CECR2: variants seen among roughly 807,000 people sequenced by gnomAD.
CECR2 encodes the protein chromatin remodeling regulator CECR2.
CECR2 carries 30 observed loss-of-function variants against 154.5 expected under a neutral mutation model. The ratio of observed to expected loss-of-function variants is 0.19; its 90% confidence interval spans 0.15 to 0.26. The LOEUF (loss-of-function observed/expected upper bound fraction) is 0.26. CECR2 is among the 10% of genes least tolerant of loss of function. CECR2 has a pLI of 1.00. For missense variants in CECR2, 1,743 were observed against 1,829.3 expected (o/e 0.95, Z 0.86); for synonymous variants, 725 against 683.7 (o/e 1.06, Z -0.94).
In CECR2 at chr22:17,542,562, C is replaced by G. The variant is rs531781031; in HGVS notation, c.2419C>G (p.His807Asp). The G allele has an allele frequency of 6.2e-7, 1 of 1,613,906 alleles. No individual in the cohort carries two copies. Among genetic ancestry groups the G allele is most frequent in the Non-Finnish European group, 8.5e-7 (1 of 1,179,910 alleles). The change falls in exon 16 of 19, where the codon CAC becomes GAC. Residue 807 changes from histidine (H) to aspartate (D), a missense_variant. By Grantham distance (81) the His-to-Asp change is moderately conservative. Around this residue, in one of 4 missense-constraint regions of CECR2, gnomAD observed 1,250 missense variants for 1,192.1 expected, o/e 1.05. Coordinates refer to ENST00000262608, the MANE Select transcript of CECR2 (RefSeq NM_001290047.2). ...GPSHQPRTLG[H>D]VMDSRVMRPP... Reference sequence around the variant, plus strand: ...CTCTCACCAGCCTCGCACTCTCGGTCACGTGATGGATTCCCGAGTCATGAG... The same window carrying G: ...CTCTCACCAGCCTCGCACTCTCGGTGACGTGATGGATTCCCGAGTCATGAG...
intron 8 of CECR2, among the ~76,000 whole-genome samples, chr22:17,522,417 C>T (rs961334308): frequency 1.3e-5 from 2 of 152,138 alleles, no homozygotes; most frequent in Non-Finnish European, 2.9e-5. Flanking sequence ...GACATTTATT[C>T]GGGAAGCAGT....
intron 1 of CECR2, among the ~76,000 whole-genome samples, chr22:17,427,513 A>C (rs2054349814): frequency 6.6e-6 from 1 of 152,122 alleles, no homozygotes; most frequent in South Asian, 2.1e-4. Flanking sequence ...TGGCGCGTCC[A>C]GGGTTTGTTC....
intron 8 of CECR2, among the ~76,000 whole-genome samples, chr22:17,520,382 T>C (rs2056136186): frequency 6.6e-6 from 1 of 152,140 alleles, no homozygotes; most frequent in African/African-American, 2.4e-5. Flanking sequence ...AAATCTTCCC[T>C]TTGACAAGGC....
chr22:17,433,249 A>G (rs964826599), intron 1 of CECR2, among the ~76,000 whole-genome samples: 1 of 152,222 alleles, frequency 6.6e-6, no homozygotes, highest in Non-Finnish European at 1.5e-5. Flanking sequence ...GTCTGTCTCA[A>G]TAATAGTGTG....
intron 1 of CECR2, among the ~76,000 whole-genome samples, chr22:17,470,964 A>G (rs1352542601): frequency 6.6e-6 from 1 of 152,230 alleles, no homozygotes; most frequent in Non-Finnish European, 1.5e-5. Context: ...CCTAGTAGCA[A>G]GAGAATGATG....
chr22:17,539,165 A>G (rs745606826), intron 13 of CECR2, 46 bp downstream of exon 13: 1 of 1,598,794 alleles, frequency 6.3e-7, no homozygotes, highest in Non-Finnish European at 8.5e-7. Flanking sequence ...TGTAATCAAG[A>G]ATAAAATGCC....
chr22:17,426,918 A>T (rs1435537247), intron 1 of CECR2, among the ~76,000 whole-genome samples: 1 of 149,608 alleles, frequency 6.7e-6, no homozygotes, highest in Admixed American at 6.6e-5. Flanking sequence ...CACAACATGC[A>T]GGTTTGTTAT....
intron 1 of CECR2, among the ~76,000 whole-genome samples, chr22:17,476,279 G>GT (rs1256371263): frequency 6.6e-6 from 1 of 151,180 alleles, no homozygotes; most frequent in Non-Finnish European, 1.5e-5. Context: ...TTTTTTGTTT[G>GT]TTTGAGACAG....
Position 17,540,779 on chromosome 22 carries a change from G to T in CECR2, c.1863G>T (p.Gln621His), listed in dbSNP as rs1448014278. 6.3e-7 allele frequency: 1 copy of T among 1,582,744 alleles called. No individual in the cohort carries two copies. The highest frequency in any genetic ancestry group is 8.6e-7 in the Non-Finnish European group (1 of 1,163,950). Residue 621 changes from glutamine (Q) to histidine (H), a missense_variant, in exon 14 of 19, where the codon CAG becomes CAT. Around this residue, in one of 4 missense-constraint regions of CECR2, gnomAD observed 1,250 missense variants for 1,192.1 expected, o/e 1.05. Coordinates refer to ENST00000262608, the MANE Select transcript of CECR2 (RefSeq NM_001290047.2). ...TGCATTGTGGTGGGACACCCAGCCA[G>T]GCACCCTTTTTAAACCAGATGGTAA... ...HPLHCGGTPS[Q>H]APFLNQMRPA... is the part of the protein sequence containing the mutation.
chr22:17,517,096 C>G (rs1276801641), intron 8 of CECR2, among the ~76,000 whole-genome samples: 2 of 150,990 alleles, frequency 1.3e-5, no homozygotes, highest in African/African-American at 4.9e-5. Flanking sequence ...CCAGGCTGGT[C>G]TCGAACTCCT....
At chr22:17,436,912 T>C (rs1437887721) in intron 1 of CECR2, among the ~76,000 whole-genome samples, 1 of 152,130 alleles carries the variant, frequency 6.6e-6, no homozygotes. Flanking sequence ...GGGAAAAGGA[T>C]TTTGTATTTC....
At chr22:17,536,141 G>A (rs999269012) in intron 9 of CECR2, among the ~76,000 whole-genome samples, 3 of 152,060 alleles carry the variant, frequency 2.0e-5, no homozygotes, top group Non-Finnish European at 2.9e-5. Flanking sequence ...CCAGCTACTC[G>A]GGAGGCTGAG....
chr22:17,518,036 C>G (rs1255743045), intron 8 of CECR2, among the ~76,000 whole-genome samples: 1 of 152,158 alleles, frequency 6.6e-6, no homozygotes, highest in Non-Finnish European at 1.5e-5. Flanking sequence ...GATGGTGTTC[C>G]TTGCCCTCAT....
At position 17,557,377 on chromosome 22, in the gene CECR2, G is replaced by A. The variant is rs898654688; in HGVS notation, c.*4537G>A. ...TTGGCCAGGCTGGTCTCAAACTCCT[G>A]ACCTCAGGTGATCCACCCGCCTTGG... On this transcript the variant is annotated 3_prime_UTR_variant, in exon 19 of 19. Coordinates refer to ENST00000262608, the MANE Select transcript of CECR2 (RefSeq NM_001290047.2). 5 of 152,050 alleles carry A rather than the reference G, an allele frequency of 3.3e-5. No individual in the cohort carries two copies. Among genetic ancestry groups the A allele is most frequent in the Non-Finnish European group, 7.3e-5 (5 of 68,030 alleles). 9.4% of individuals were successfully genotyped at this position (152,050 alleles called of 1,614,324 possible).
chr22:17,508,339 C>T (rs1466435837), intron 7 of CECR2, among the ~76,000 whole-genome samples: 1 of 151,628 alleles, frequency 6.6e-6, no homozygotes, highest in Non-Finnish European at 1.5e-5. Flanking sequence ...GAGCAACTGC[C>T]AGTCCTGCAA....
At chr22:17,394,742 A>G (rs1311385993) in intron 1 of CECR2, among the ~76,000 whole-genome samples, 1 of 152,140 alleles carries the variant, frequency 6.6e-6, no homozygotes, top group African/African-American at 2.4e-5. Context: ...CAGTGTTACC[A>G]ATTTATCAAT....
chr22:17,476,139 C>T (rs2055203919), intron 1 of CECR2, among the ~76,000 whole-genome samples: 1 of 150,044 alleles, frequency 6.7e-6, no homozygotes, highest in Non-Finnish European at 1.5e-5. Context: ...CATGCCCTGC[C>T]TCTCTCCATT....
chr22:17,481,704 A>G (rs2055322163), intron 2 of CECR2, among the ~76,000 whole-genome samples: 1 of 152,212 alleles, frequency 6.6e-6, no homozygotes, highest in African/African-American at 2.4e-5. Context: ...GATAGACACA[A>G]AAATTTTTAT....
At chr22:17,475,224 AATGGTAC>A (rs2055189783) in intron 1 of CECR2, among the ~76,000 whole-genome samples, 1 of 152,098 alleles carries the variant, frequency 6.6e-6, no homozygotes, top group Non-Finnish European at 1.5e-5. Flanking sequence ...ACCTAGGGAG[AATGGTAC>A]ATGTGAGGGC....
Sources: gnomAD v4.1 joint callset for allele counts (sites outside exome capture counted in the v4.1 genomes callset) on GRCh38, gnomAD v4.1.1 for gene constraint, gnomAD v4.1.1 regional missense constraint, MANE v1.5 for transcripts, NCBI Gene and HGNC (gene_info 2026-07-23, HGNC 2026-07-21) for gene names.